STRN: variants seen among roughly 807,000 people sequenced by gnomAD.
STRN encodes the protein protein phosphatase 2 regulatory subunit B'''alpha.
In STRN, 53 loss-of-function variants were observed where a neutral mutation model predicts 96.3. That is an observed-to-expected ratio of 0.55 (90% CI 0.44 to 0.69). The LOEUF (loss-of-function observed/expected upper bound fraction) is 0.69. Among genes scored for constraint, STRN ranks in the 30% least tolerant of loss-of-function variants. STRN has a pLI of 0.00. For synonymous variants in STRN, 428 were observed against 355.9 expected (o/e 1.20, Z -2.28); for missense variants, 987 against 963.9 (o/e 1.02, Z -0.32).
At position 36,957,744 on chromosome 2, in the gene STRN, C is replaced by CTTTTTTTTTT. The variant is rs1159531782; in HGVS notation, c.234+8476_234+8485dup. On this transcript the variant is annotated intron_variant, in intron 1 of 17. Coordinates refer to ENST00000263918, the MANE Select transcript of STRN (RefSeq NM_003162.4). ...TTAGTCTCATAGTTCTTCTTTTTGT[C>CTTTTTTTTTT]TTTTTTTTTTTTTTTTTTTTTTTTT... 1.4e-3 allele frequency among the ~76,000 whole-genome samples: 127 copies of CTTTTTTTTTT among 89,160 alleles called. 8 individuals are homozygous for CTTTTTTTTTT. Among genetic ancestry groups the CTTTTTTTTTT allele is most frequent in the East Asian group, 2.8e-3 (5 of 1,796 alleles). The allele number at this position is 89,160 out of a possible 152,430, so 58.5% of individuals were successfully genotyped here.
Position 36,845,622 on chromosome 2 carries a change from T to C in STRN, c.*3834A>G, listed in dbSNP as rs1185917775. The stretch of plus-strand genomic sequence containing the variant: ...AAAAGTGAGCCTTTAAAAAATTACA[T>C]TTACTTAGCCAACATTAATGAGATC... On this transcript the variant is annotated 3_prime_UTR_variant, in exon 18 of 18. Coordinates refer to ENST00000263918, the MANE Select transcript of STRN (RefSeq NM_003162.4). 2 of 152,140 alleles carry C rather than the reference T, an allele frequency of 1.3e-5. No individual in the cohort carries two copies. Among genetic ancestry groups the C allele is most frequent in the East Asian group, 3.8e-4 (2 of 5,198 alleles). The allele number at this position is 152,140 out of a possible 1,614,324, so 9.4% of individuals were successfully genotyped here. A position where few individuals can be genotyped will look rare whatever the true frequency, so the allele number is the denominator to read the frequency against.
Position 36,902,737 on chromosome 2 carries a change from A to G in STRN, c.506T>C (p.Val169Ala), listed in dbSNP as rs1669720791. 1 of 1,605,608 alleles carries G rather than the reference A, an allele frequency of 6.2e-7. No homozygotes were observed. The highest frequency in any genetic ancestry group is 1.7e-4 in the Middle Eastern group (1 of 6,034). Reference sequence around the variant, plus strand: ...ATCTAGAATAGTATCTGTATAACCCACCTCCTGTAGATACCTGTGTGAAGA... The same window carrying G: ...ATCTAGAATAGTATCTGTATAACCCGCCTCCTGTAGATACCTGTGTGAAGA... ...RQLLRQYLQE[V>A]GYTDTILDVK... is the part of the protein sequence containing the mutation. The change falls in exon 5 of 18, where the codon GTG becomes GCG. Residue 169 changes from valine to alanine, a missense_variant. Coordinates refer to ENST00000263918, the MANE Select transcript of STRN (RefSeq NM_003162.4).
chr2:36,862,589 T>C (rs577912206), intron 12 of STRN, among the ~76,000 whole-genome samples: 2 of 152,264 alleles, frequency 1.3e-5, no homozygotes, highest in Admixed American at 1.3e-4. Flanking sequence ...CACTTTTTAA[T>C]GGGGTTGTTT....
chr2:36,865,292 T>C (rs1668592757), intron 12 of STRN, among the ~76,000 whole-genome samples: 1 of 152,190 alleles, frequency 6.6e-6, no homozygotes, highest in Non-Finnish European at 1.5e-5. Context: ...TCTGGCTGGT[T>C]TTTGTATTTC....
chr2:36,878,084 C>G, intron 9 of STRN, 57 bp from the exon 10 acceptor site: 2 of 1,594,908 alleles, frequency 1.3e-6, no homozygotes, highest in African/African-American at 1.3e-5. Context: ...AACATTTAGT[C>G]TCATTTGCTT....
chr2:36,892,568 G>A (rs1371636871), intron 7 of STRN, among the ~76,000 whole-genome samples: 3 of 152,040 alleles, frequency 2.0e-5, no homozygotes. Context: ...ACATATATAT[G>A]AAACTAAAAT....
At chr2:36,849,841 C>G (rs762321877) in intron 16 of STRN, 41 bp from the exon 17 acceptor site, 2 of 1,586,140 alleles carry the variant, frequency 1.3e-6, no homozygotes, top group Non-Finnish European at 1.7e-6. Context: ...AATGCCTTTC[C>G]TCATCTTCAA....
chr2:36,940,658 T>A (rs569080402), intron 1 of STRN, among the ~76,000 whole-genome samples: 1 of 151,452 alleles, frequency 6.6e-6, no homozygotes, highest in African/African-American at 2.4e-5. Flanking sequence ...AAACCCCATC[T>A]CTACTAAAAA....
chr2:36,941,716 ATT>A (rs34746648), intron 1 of STRN, among the ~76,000 whole-genome samples: 59 of 134,730 alleles, frequency 4.4e-4, no homozygotes, highest in Non-Finnish European at 4.3e-4. Context: ...CACCCAGCTA[ATT>A]TTTTTTTTTT....
intron 1 of STRN, among the ~76,000 whole-genome samples, chr2:36,944,242 A>G (rs1198943873): frequency 6.6e-6 from 1 of 152,204 alleles, no homozygotes; most frequent in African/African-American, 2.4e-5. Flanking sequence ...TACAAAAGCA[A>G]TGCAGATATA....
chr2:36,924,707 A>T (rs143215373), intron 2 of STRN, among the ~76,000 whole-genome samples: 222 of 152,366 alleles, frequency 1.5e-3, no homozygotes, highest in African/African-American at 5.1e-3. Flanking sequence ...CTCAAGGAGT[A>T]TGAACATTTA....
At chr2:36,935,512 C>A (rs1184438278) in intron 1 of STRN, among the ~76,000 whole-genome samples, 1 of 152,134 alleles carries the variant, frequency 6.6e-6, no homozygotes, top group East Asian at 1.9e-4. Flanking sequence ...TTTTAATTTT[C>A]AGAATGTTCA....
chr2:36,850,243 T>C lies in STRN; in HGVS notation c.2087-443A>G, dbSNP rs75405567. On this transcript the variant is annotated intron_variant, in intron 16 of 17. Coordinates refer to ENST00000263918, the MANE Select transcript of STRN (RefSeq NM_003162.4). ...GGCCACAATTTTGGTGGATACAACATACAGAAAAAAATTTTAAATATTAAA... is the reference window on the plus strand; with the variant it reads ...GGCCACAATTTTGGTGGATACAACACACAGAAAAAAATTTTAAATATTAAA... Among the ~76,000 whole-genome samples, 37 of 152,168 alleles carry C rather than the reference T, an allele frequency of 2.4e-4. No individual in the cohort carries two copies. In the East Asian group the frequency reaches 6.6e-3, roughly 27 times the overall value.
chr2:36,959,860 C>T (rs1369278182), intron 1 of STRN, among the ~76,000 whole-genome samples: 3 of 152,092 alleles, frequency 2.0e-5, no homozygotes, highest in Non-Finnish European at 4.4e-5. Flanking sequence ...GTCCTCATTC[C>T]TAAGATTCTG....
Position 36,966,523 on chromosome 2 carries a change from G to A in STRN, c.-60C>T, listed in dbSNP as rs1665171209. On this transcript the variant is annotated 5_prime_UTR_variant, in exon 1 of 18. Transcript: ENST00000263918. ...CCCAGCAGCGGAGGCAACAGCGGCG[G>A]CAAGCAGCGCCTCCTCCTCCCTCCG... 6 of 1,362,838 alleles carry A rather than the reference G, an allele frequency of 4.4e-6. No individual in the cohort carries two copies. Among genetic ancestry groups the A allele is most frequent in the East Asian group, 3.2e-5 (1 of 31,610 alleles). The allele number at this position is 1,362,838 out of a possible 1,614,324, so 84.4% of individuals were successfully genotyped here.
rs1385110889 is a variant in STRN, at chr2:36,843,502, T to C, written c.*5954A>G. On this transcript the variant is annotated 3_prime_UTR_variant, in exon 18 of 18. Transcript: ENST00000263918. ...AAACATAAAACCTATTCATTAAACA[T>C]ATGTGTCTCTGAAAGTACCACTGAC... is the stretch of plus-strand genomic sequence containing the variant. 2 of 152,166 alleles carry C rather than the reference T, an allele frequency of 1.3e-5. No individual in the cohort carries two copies. The highest frequency in any genetic ancestry group is 1.9e-4 in the East Asian group (1 of 5,198). The allele number at this position is 152,166 out of a possible 1,614,324, so 9.4% of individuals were successfully genotyped here.
intron 3 of STRN, among the ~76,000 whole-genome samples, chr2:36,909,715 G>C (rs1669915546): frequency 6.6e-6 from 1 of 152,102 alleles, no homozygotes; most frequent in Admixed American, 6.5e-5. Context: ...AATATGTAGA[G>C]AGGGCTAACT....
Position 36,902,661 on chromosome 2 carries a change from C to T in STRN, c.582G>A (p.Thr194=), listed in dbSNP as rs747162112. The change falls in exon 5 of 18, where the codon ACG becomes ACA. Residue 194 remains threonine (T), a synonymous_variant. Coordinates refer to ENST00000263918, the MANE Select transcript of STRN (RefSeq NM_003162.4). ...RALLGFSSDV[T]DREDDKNQDS... ...CCTGATTTTTGTCATCTTCCCTGTC[C>T]GTGACATCACTTGAAAAGCCCAACA... The T allele has an allele frequency of 4.3e-6, 7 of 1,612,266 alleles. No individual in the cohort carries two copies. Among genetic ancestry groups the T allele is most frequent in the Admixed American group, 3.3e-5 (2 of 59,958 alleles).
chr2:36,930,310 T>C (rs1252951589), intron 1 of STRN, among the ~76,000 whole-genome samples: 1 of 151,938 alleles, frequency 6.6e-6, no homozygotes, highest in Non-Finnish European at 1.5e-5. Flanking sequence ...CGTGTGCCTG[T>C]AGTCCCAGCT....
Sources: gnomAD v4.1 joint callset for allele counts (sites outside exome capture counted in the v4.1 genomes callset) on GRCh38, gnomAD v4.1.1 for gene constraint, MANE v1.5 for transcripts, NCBI Gene and HGNC (gene_info 2026-07-23, HGNC 2026-07-21) for gene names.